Variants in ABCB11 observed in about 807,000 individuals in gnomAD.
ABCB11 encodes the protein ATP binding cassette subfamily B member 11.
In ABCB11, 95 loss-of-function variants were observed where a neutral mutation model predicts 148.0. That is an observed-to-expected ratio of 0.64 (90% CI 0.54 to 0.76). The LOEUF is 0.76. Among genes scored for constraint, ABCB11 ranks in the 30% least tolerant of loss-of-function variants. The probability of loss-of-function intolerance (pLI) is 0.00; values close to 1 mark genes in which losing one functional copy is unlikely to be tolerated. For missense variants in ABCB11, 1,523 were observed against 1,617.8 expected, an observed-to-expected ratio of 0.94 and a Z score of 1.01; for synonymous variants, 591 against 555.4, an observed-to-expected ratio of 1.06 and a Z score of -0.90.
At chr2:168,993,139 C>T (rs1694595462) in intron 8 of ABCB11, among the ~76,000 whole-genome samples, 1 of 151,998 alleles carries the variant, frequency 6.6e-6, no homozygotes, top group East Asian at 1.9e-4. Flanking sequence ...AAGAGGTTAT[C>T]TGAAAGATAA....
downstream of ABCB11, among the ~76,000 whole-genome samples, chr2:168,915,470 GCAA>G (rs1038880568): frequency 5.9e-5 from 9 of 152,008 alleles, no homozygotes; most frequent in Admixed American, 3.9e-4. Context: ...TTAGTTAACA[GCAA>G]CAACAACAAC....
intron 25 of ABCB11, among the ~76,000 whole-genome samples, chr2:168,928,950 G>T (rs1162680098): frequency 6.6e-6 from 1 of 152,016 alleles, no homozygotes; most frequent in Admixed American, 6.6e-5. Flanking sequence ...ATTTCTGTTT[G>T]CTTGTTTCCT....
intron 21 of ABCB11, among the ~76,000 whole-genome samples, chr2:168,942,365 G>T (rs767790647): frequency 2.6e-5 from 4 of 151,728 alleles, no homozygotes; most frequent in Non-Finnish European, 5.9e-5. Flanking sequence ...TTTAGAAGAA[G>T]TTAAAATGAG....
chr2:168,985,798 G>A (rs1259419716), intron 10 of ABCB11, among the ~76,000 whole-genome samples: 1 of 151,934 alleles, frequency 6.6e-6, no homozygotes, highest in Non-Finnish European at 1.5e-5. Flanking sequence ...AGCGGAAAAG[G>A]GTACGAAGGC....
chr2:169,026,968 A>G (rs1382288494), intron 1 of ABCB11, among the ~76,000 whole-genome samples: 1 of 152,214 alleles, frequency 6.6e-6, no homozygotes, highest in Non-Finnish European at 1.5e-5. Flanking sequence ...TAGCTGTAAC[A>G]CTTTTTTAGC....
At chr2:168,983,622 T>C (rs1694209340) in intron 10 of ABCB11, among the ~76,000 whole-genome samples, 1 of 152,210 alleles carries the variant, frequency 6.6e-6, no homozygotes, top group African/African-American at 2.4e-5. Flanking sequence ...TATCATGTTC[T>C]TAATGAAATA....
chr2:168,971,387 G>A (rs1186273003), intron 14 of ABCB11, among the ~76,000 whole-genome samples: 1 of 151,958 alleles, frequency 6.6e-6, no homozygotes, highest in Non-Finnish European at 1.5e-5. Context: ...AGTTGTTGTT[G>A]CTTAGAATGG....
intron 10 of ABCB11, 115 bp from the exon 11 acceptor site, chr2:168,980,094 G>C (rs999425627): frequency 3.4e-6 from 2 of 590,662 alleles, no homozygotes; most frequent in Admixed American, 5.3e-5. Context: ...CTCTTCTGTG[G>C]GTTCAAAAGC....
intron 23 of ABCB11, among the ~76,000 whole-genome samples, chr2:168,934,524 A>G (rs1304696144): frequency 6.6e-6 from 1 of 152,188 alleles, no homozygotes; most frequent in Non-Finnish European, 1.5e-5. Flanking sequence ...TGGCTATACG[A>G]ATGGAACATC....
chr2:168,973,643 C>G, intron 13 of ABCB11, 72 bp downstream of exon 13: 3 of 1,554,986 alleles, frequency 1.9e-6, no homozygotes, highest in South Asian at 2.3e-5. Flanking sequence ...CTACACCTTT[C>G]TGTTTGATCA....
downstream of ABCB11, among the ~76,000 whole-genome samples, chr2:168,916,170 G>A (rs1690937776): frequency 6.6e-6 from 1 of 152,084 alleles, no homozygotes; most frequent in Admixed American, 6.5e-5. Flanking sequence ...TACCACAAAG[G>A]TTTTATCTTT....
At chr2:168,965,572 G>T (rs1166628876) in intron 17 of ABCB11, among the ~76,000 whole-genome samples, 2 of 151,782 alleles carry the variant, frequency 1.3e-5, no homozygotes, top group Admixed American at 1.3e-4. Flanking sequence ...TCTCTCTAAA[G>T]GTAAATCCAA....
chr2:168,970,199 A>T lies in ABCB11; in HGVS notation c.1655T>A (p.Val552Asp), dbSNP rs1360323692. Residue 552 changes from valine to aspartate, a missense_variant, in exon 15 of 28, where the codon GTT becomes GAT. By Grantham distance (152) the Val-to-Asp change is radical (BLOSUM62 -3). Coordinates refer to ENST00000650372, the MANE Select transcript of ABCB11 (RefSeq NM_003742.4). ...ACTCATCTGGCCTCCTCCTTCTCCA[A>T]CAAGGGTGTCAAATTGCTAGATGGA... Reference protein sequence around the residue: ...MDLPQQFDTLVGEGGGQMSGG... With the variant: ...MDLPQQFDTLDGEGGGQMSGG... The T allele has an allele frequency of 6.2e-7, 1 of 1,611,802 alleles. No homozygotes were observed. Among genetic ancestry groups the T allele is most frequent in the Non-Finnish European group, 8.5e-7 (1 of 1,178,686 alleles).
At chr2:168,953,208 A>G (rs1692644343) in intron 19 of ABCB11, among the ~76,000 whole-genome samples, 1 of 151,666 alleles carries the variant, frequency 6.6e-6, no homozygotes. Context: ...TGTTCTGTAA[A>G]TGTCTGTTAA....
At chr2:168,974,748 T>C (rs184189308) in intron 12 of ABCB11, among the ~76,000 whole-genome samples, 7 of 152,026 alleles carry the variant, frequency 4.6e-5, no homozygotes, top group Admixed American at 3.3e-4. Flanking sequence ...AAAACCTCAA[T>C]TACTCTCCAC....
At chr2:168,987,198 A>G (rs1694356084) in intron 9 of ABCB11, among the ~76,000 whole-genome samples, 1 of 152,184 alleles carries the variant, frequency 6.6e-6, no homozygotes, top group Admixed American at 6.5e-5. Context: ...ATTTGGTAGC[A>G]ACTGAGAATA....
At chr2:169,028,117 G>C (rs954486101) in intron 1 of ABCB11, among the ~76,000 whole-genome samples, 3 of 151,850 alleles carry the variant, frequency 2.0e-5, no homozygotes, top group African/African-American at 7.3e-5. Flanking sequence ...TCACTATACA[G>C]CTCTTTGCAG....
At chr2:168,942,912 G>GTAA (rs1692131580) in intron 21 of ABCB11, among the ~76,000 whole-genome samples, 1 of 151,846 alleles carries the variant, frequency 6.6e-6, no homozygotes, top group Admixed American at 6.6e-5. Flanking sequence ...AGTAGAAAAT[G>GTAA]TAATCTATAT....
At chr2:168,976,551 A>G (rs746038796) in intron 12 of ABCB11, 26 bp downstream of exon 12, 1 of 1,310,870 alleles carries the variant, frequency 7.6e-7, no homozygotes. Flanking sequence ...AACATTTACT[A>G]TTCTGGGGAA....
Sources: allele counts gnomAD v4.1 joint callset (sites outside exome capture counted in the v4.1 genomes callset), GRCh38; gene constraint gnomAD v4.1.1; transcripts MANE v1.5; gene names NCBI Gene and HGNC (gene_info 2026-07-23, HGNC 2026-07-21).